FAT1: variants seen among roughly 807,000 people sequenced by gnomAD.
FAT1 encodes the protein FAT atypical cadherin 1, also known as protocadherin Fat 1.
Under a neutral mutation model 329.8 loss-of-function variants are expected in FAT1, and 171 were observed. The ratio of observed to expected loss-of-function variants is 0.52; its 90% CI spans 0.46 to 0.59. The LOEUF (loss-of-function observed/expected upper bound fraction) is 0.59. Among genes scored for constraint, FAT1 ranks in the 20% least tolerant of loss-of-function variants. The probability of loss-of-function intolerance (pLI) is 0.00; values close to 1 mark genes in which losing one functional copy is unlikely to be tolerated. For missense variants in FAT1, 5,672 were observed against 5,774.4 expected, an observed-to-expected ratio of 0.98 and a Z score of 0.57; for synonymous variants, 2,233 against 2,228.6, an observed-to-expected ratio of 1.00 and a Z score of -0.06.
chr4:186,610,006 A>G lies in FAT1; in HGVS notation c.9863T>C (p.Phe3288Ser). The change falls in exon 15 of 27, where the codon TTT becomes TCT. Residue 3288 changes from phenylalanine to serine, a missense_variant. By Grantham distance (155) the Phe-to-Ser change is radical. Transcript: ENST00000441802. ...CTCATAATCCAGATTCTCAATGATA[A>G]ATACGGCCCCTGAATAGAAATCAAA... is the stretch of plus-strand genomic sequence containing the variant. ...FSIDSKTGAV[F>S]IIENLDYESS... The G allele has an allele frequency of 6.2e-7, 1 of 1,607,240 alleles. No individual in the cohort carries two copies. Among genetic ancestry groups the G allele is most frequent in the South Asian group, 1.1e-5 (1 of 90,810 alleles).
chr4:186,665,488 G>A (rs1462037121), intron 2 of FAT1, among the ~76,000 whole-genome samples: 1 of 152,190 alleles, frequency 6.6e-6, no homozygotes, highest in Non-Finnish European at 1.5e-5. Context: ...CTGCATAAAT[G>A]TCTTCTTTTG....
chr4:186,590,771 T>G (rs751861483), intron 26 of FAT1: 16 of 419,550 alleles, frequency 3.8e-5, no homozygotes, highest in Non-Finnish European at 7.6e-5. Context: ...CTGATCAGAT[T>G]ACATAGGTGA....
chr4:186,700,174 G>A (rs554905487), intron 2 of FAT1, among the ~76,000 whole-genome samples: 2 of 152,274 alleles, frequency 1.3e-5, no homozygotes, highest in Non-Finnish European at 2.9e-5. Context: ...TACAAATCAC[G>A]TTAGCTTTGG....
rs981587891 is a variant in FAT1 at position 186,596,449 on chromosome 4, T to C, written c.13000+91A>G. The C allele has an allele frequency of 7.3e-5, 101 of 1,384,332 alleles. No homozygotes were observed. The highest frequency in any genetic ancestry group is 3.7e-4 in the Middle Eastern group (2 of 5,382). 85.8% of individuals were successfully genotyped at this position (1,384,332 alleles called of 1,614,324 possible). ...TCAGTCTGAGCATACTTGTCTCTAA[T>C]GAAGAGTACACACATTTTGACTGGA... On this transcript the variant is annotated intron_variant, in intron 25 of 26. Transcript: ENST00000441802. This position sits in a 1 kb window ranked among gnomAD's most constrained non-coding sequence, Gnocchi z 4.7.
chr4:186,664,393 C>T (rs919922319), intron 2 of FAT1, among the ~76,000 whole-genome samples: 5 of 151,790 alleles, frequency 3.3e-5, no homozygotes, highest in Non-Finnish European at 5.9e-5. Flanking sequence ...TACCAGTATC[C>T]GCAGCACCTT....
At chr4:186,639,831 A>T in intron 3 of FAT1, 48 bp from the exon 4 acceptor site, 1 of 1,441,168 alleles carries the variant, frequency 6.9e-7, no homozygotes, top group Non-Finnish European at 9.7e-7. Flanking sequence ...AAGGTCAATT[A>T]CAAAATACTG....
intron 24 of FAT1, 86 bp from the exon 25 acceptor site, chr4:186,597,257 T>TC: frequency 7.3e-7 from 1 of 1,364,334 alleles, no homozygotes; most frequent in East Asian, 2.5e-5. Context: ...TGAAGACTAA[T>TC]CCCTCCTTGA....
intron 16 of FAT1, 134 bp downstream of exon 16, chr4:186,609,049 G>T: frequency 1.2e-6 from 1 of 819,116 alleles, no homozygotes; most frequent in Non-Finnish European, 1.9e-6. Context: ...TGCTTTTCGA[G>T]TGTTTACATG....
At chr4:186,678,952 C>G (rs1333202788) in intron 2 of FAT1, among the ~76,000 whole-genome samples, 1 of 152,066 alleles carries the variant, frequency 6.6e-6, no homozygotes, top group African/African-American at 2.4e-5. Flanking sequence ...TTCAAATGCC[C>G]ATCAGTGATA....
rs2126497009 is a variant in FAT1 at position 186,618,596 on chromosome 4, A to G, written c.7990T>C (p.Leu2664=). The G allele has an allele frequency of 6.2e-7, 1 of 1,614,056 alleles. No individual in the cohort carries two copies. Among genetic ancestry groups the G allele is most frequent in the Non-Finnish European group, 8.5e-7 (1 of 1,179,900 alleles). ...AAGAAAGTGAAGAATTCATTTTCCA[A>G]GCCAATGAGGCTCTCCTTTGTAGTG... ...VITTKESLIG[L]ENEFFTFFVR... is the part of the protein sequence containing the mutation. The change falls in exon 10 of 27, where the codon TTG becomes CTG. Residue 2664 remains leucine, a synonymous_variant. Coordinates refer to ENST00000441802, the MANE Select transcript of FAT1 (RefSeq NM_005245.4).
At chr4:186,681,064 C>T (rs1743184853) in intron 2 of FAT1, among the ~76,000 whole-genome samples, 1 of 152,142 alleles carries the variant, frequency 6.6e-6, no homozygotes. Context: ...AAGAGTATCA[C>T]CGAATTATTT....
At position 186,641,262 on chromosome 4, in the gene FAT1, T is replaced by C. The variant is rs114676410; in HGVS notation, c.3581-1479A>G. Among the ~76,000 whole-genome samples the C allele has an allele frequency of 9.0e-3, 1,373 of 152,194 alleles. 12 individuals carry two copies. Among genetic ancestry groups the C allele is most frequent in the Middle Eastern group, 0.017 (5 of 294 alleles). ...GCTATATCATACCTCCACACTGGGG[T>C]TTTCCCAGATCATAGGTATAGATTA... On this transcript the variant is annotated intron_variant, in intron 3 of 26. Coordinates refer to ENST00000441802, the MANE Select transcript of FAT1 (RefSeq NM_005245.4).
chr4:186,696,880 T>G (rs1053111135), intron 2 of FAT1, among the ~76,000 whole-genome samples: 1 of 152,084 alleles, frequency 6.6e-6, no homozygotes, highest in African/African-American at 2.4e-5. Context: ...AAAAATTAGC[T>G]GGGTGTGGTG....
intron 3 of FAT1, among the ~76,000 whole-genome samples, chr4:186,656,131 C>T (rs372897776): frequency 2.4e-4 from 37 of 152,296 alleles, no homozygotes; most frequent in East Asian, 5.8e-4. Context: ...CAAGGTGAGA[C>T]GCTCAGGACT....
At chr4:186,594,191 C>A (rs62350414) in intron 26 of FAT1, among the ~76,000 whole-genome samples, 3 of 151,874 alleles carry the variant, frequency 2.0e-5, no homozygotes, top group Non-Finnish European at 2.9e-5. Flanking sequence ...TCAGCCTCCC[C>A]AGTAGCTGGG....
intron 2 of FAT1, among the ~76,000 whole-genome samples, chr4:186,687,530 C>A (rs889451795): frequency 1.3e-5 from 2 of 152,166 alleles, no homozygotes; most frequent in Non-Finnish European, 2.9e-5. Context: ...TATTACTATA[C>A]AAACAGGATG....
intron 2 of FAT1, among the ~76,000 whole-genome samples, chr4:186,703,989 G>A (rs1744455940): frequency 6.6e-6 from 1 of 152,220 alleles, no homozygotes; most frequent in Non-Finnish European, 1.5e-5. Context: ...AACTTGGGCT[G>A]ATAATTCTTC....
At position 186,621,232 on chromosome 4, in the gene FAT1, A is replaced by G; in HGVS notation, c.5354T>C (p.Leu1785Pro). Residue 1785 changes from leucine to proline, a missense_variant, in exon 10 of 27, where the codon CTA (leucine) becomes CCA (proline). This residue lies in a region of FAT1 where 3,966 missense variants were observed against 3,915.2 expected (regional missense o/e 1.01). Transcript: ENST00000441802. Reference protein sequence around the residue: ...SESASINSVVLTDRNVPLVIR... With the variant: ...SESASINSVVPTDRNVPLVIR... ...CACCAGTGGGACATTCCTGTCTGTT[A>G]GGACCACGCTGTTAATTGAGGCTGA... 6.2e-7 allele frequency: 1 copy of G among 1,614,026 alleles called. No homozygotes were observed. The highest frequency in any genetic ancestry group is 8.5e-7 in the Non-Finnish European group (1 of 1,179,888).
In FAT1 at chr4:186,590,310, A is replaced by T. The variant is rs142019433; in HGVS notation, c.13139-1090T>A. ...CAGCGTAGTCAGTCAGCACTGGGGC[A>T]AGGCTTGACCCATTGTTTTTAGTGA... On this transcript the variant is annotated intron_variant, in intron 26 of 26. Transcript: ENST00000441802. 1.3e-3 allele frequency: 1,502 copies of T among 1,163,942 alleles called. 16 individuals are homozygous for T. The African/African-American group carries it at 0.021, about 16-fold the overall frequency. The allele number at this position is 1,163,942 out of a possible 1,614,324, so 72.1% of individuals were successfully genotyped here.
Sources: allele counts gnomAD v4.1 joint callset (sites outside exome capture counted in the v4.1 genomes callset), GRCh38; gene constraint gnomAD v4.1.1; regional missense constraint gnomAD v4.1.1; non-coding constraint Gnocchi (gnomAD v3.1); transcripts MANE v1.5; gene names NCBI Gene and HGNC (gene_info 2026-07-23, HGNC 2026-07-21).